Variants in TRMT6 observed in about 807,000 individuals in gnomAD.
TRMT6 encodes tRNA (adenine(58)-N(1))-methyltransferase non-catalytic subunit TRM6.
TRMT6 carries 34 observed loss-of-function variants against 59.0 expected under a neutral mutation model. That is an observed-to-expected ratio of 0.58 (90% CI 0.44 to 0.77). TRMT6 has a LOEUF of 0.77. Ranked by LOEUF, TRMT6 falls within the 30% of genes least tolerant of loss-of-function variation. The pLI, the probability that TRMT6 is intolerant of heterozygous loss-of-function variation, is 0.00. For synonymous variants in TRMT6, 217 were observed against 210.5 expected, an observed-to-expected ratio of 1.03 and a Z score of -0.27; for missense variants, 575 against 604.5, an observed-to-expected ratio of 0.95 and a Z score of 0.51.
intron 5 of TRMT6, 36 bp downstream of exon 5, chr20:5,943,912 C>T: frequency 1.3e-6 from 2 of 1,588,736 alleles, no homozygotes; most frequent in South Asian, 1.2e-5. Context: ...AGACATATTT[C>T]CCCCAATTAT....
intron 1 of TRMT6, among the ~76,000 whole-genome samples, chr20:5,950,029 G>C (rs1486974042): frequency 6.6e-6 from 1 of 152,172 alleles, no homozygotes; most frequent in Non-Finnish European, 1.5e-5. Context: ...TGGACGGCCA[G>C]ATATGAAATC....
chr20:5,949,599 G>A (rs1056500363), intron 1 of TRMT6, among the ~76,000 whole-genome samples: 1 of 152,122 alleles, frequency 6.6e-6, no homozygotes, highest in Non-Finnish European at 1.5e-5. Context: ...TTTTCCCAGC[G>A]TTGAATCCTT....
chr20:5,944,244 G>C lies in TRMT6; in HGVS notation c.376C>G (p.Gln126Glu), dbSNP rs1483791412. Residue 126 changes from glutamine (Q) to glutamate (E), a missense_variant, in exon 4 of 11, where the codon CAG becomes GAG. Coordinates refer to ENST00000203001, the MANE Select transcript of TRMT6 (RefSeq NM_015939.5). ...GTTGTACTATTTTCAATTAACTGCT[G>C]AACTATTTCCTATAAGAAAAGGAGC... is the stretch of plus-strand genomic sequence containing the variant. ...DKGIKGEEIV[Q>E]QLIENSTTFR... The C allele has an allele frequency of 3.2e-6, 5 of 1,557,030 alleles. No homozygotes were observed. The highest frequency in any genetic ancestry group is 4.3e-6 in the Non-Finnish European group (5 of 1,149,684).
In TRMT6 at chr20:5,938,453, A is replaced by T; in HGVS notation, c.*82T>A. ...ATGTTCTTATTCTTGGGATATGAAA[A>T]AACAAGTAGTAATGGCATTTAAAGT... On this transcript the variant is annotated 3_prime_UTR_variant, in exon 11 of 11. Coordinates refer to ENST00000203001, the MANE Select transcript of TRMT6 (RefSeq NM_015939.5). The T allele has an allele frequency of 7.2e-7, 1 of 1,390,032 alleles. No homozygotes were observed. Among genetic ancestry groups the T allele is most frequent in the Non-Finnish European group, 9.9e-7 (1 of 1,013,472 alleles). 86.1% of individuals were successfully genotyped at this position (1,390,032 alleles called of 1,614,324 possible).
At chr20:5,939,532 G>T (rs1020996945) in intron 10 of TRMT6, among the ~76,000 whole-genome samples, 1 of 151,684 alleles carries the variant, frequency 6.6e-6, no homozygotes, top group African/African-American at 2.4e-5. Context: ...GCAGTTTTCA[G>T]TTCAGCCCAG....
Position 5,938,683 on chromosome 20 carries a change from C to T in TRMT6, c.1346G>A (p.Gly449Asp). Residue 449 changes from glycine to aspartate, a missense_variant, in exon 11 of 11, where the codon GGT becomes GAT. Physicochemically the swap from Gly to Asp is moderately conservative, Grantham distance 94. Coordinates refer to ENST00000203001, the MANE Select transcript of TRMT6 (RefSeq NM_015939.5). Reference protein sequence around the residue: ...RSHPKLLMSGGGGYLLSGFTV... With the variant: ...RSHPKLLMSGDGGYLLSGFTV... Reference sequence around the variant, plus strand: ...GAAGCCGGAGAGAAGATAACCCCCACCTCCACTCATCAGCAGTTTAGGATG... The same window carrying T: ...GAAGCCGGAGAGAAGATAACCCCCATCTCCACTCATCAGCAGTTTAGGATG... 2 of 1,614,196 alleles carry T rather than the reference C, an allele frequency of 1.2e-6. No individual in the cohort carries two copies. The highest frequency in any genetic ancestry group is 1.7e-6 in the Non-Finnish European group (2 of 1,180,028).
At chr20:5,948,558 G>C (rs1025860437) in intron 1 of TRMT6, among the ~76,000 whole-genome samples, 1 of 152,146 alleles carries the variant, frequency 6.6e-6, no homozygotes, top group Non-Finnish European at 1.5e-5. Flanking sequence ...CACAAAAGGG[G>C]AAGGTCAACT....
Position 5,938,607 on chromosome 20 carries a change from T to C in TRMT6, c.1422A>G (p.Ala474=). 6.2e-7 allele frequency: 1 copy of C among 1,614,254 alleles called. No homozygotes were observed. The highest frequency in any genetic ancestry group is 8.5e-7 in the Non-Finnish European group (1 of 1,180,036). ...LKADTSLKSN[A]STLESHETEE... The stretch of plus-strand genomic sequence containing the variant: ...CAGTCTCGTGTGATTCTAAAGTGCT[T>C]GCATTAGATTTGAGGCTGGTGTCTG... Residue 474 remains alanine, a synonymous_variant, in exon 11 of 11, where the codon GCA becomes GCG. Coordinates refer to ENST00000203001, the MANE Select transcript of TRMT6 (RefSeq NM_015939.5).
intron 3 of TRMT6, 128 bp downstream of exon 3, chr20:5,944,677 A>T (rs771069329): frequency 4.7e-6 from 3 of 639,104 alleles, no homozygotes; most frequent in Non-Finnish European, 8.2e-6. Flanking sequence ...TGTACATTTC[A>T]ACCTATTTCT....
At chr20:5,940,067 A>T (rs917172704) in intron 10 of TRMT6, among the ~76,000 whole-genome samples, 3 of 152,202 alleles carry the variant, frequency 2.0e-5, no homozygotes, top group African/African-American at 7.2e-5. Flanking sequence ...TGCTTAACAC[A>T]GGGCTCCTTG....
chr20:5,943,248 A>C (rs2122603576), intron 6 of TRMT6, among the ~76,000 whole-genome samples: 1 of 152,302 alleles, frequency 6.6e-6, no homozygotes, highest in Admixed American at 6.5e-5. Flanking sequence ...TGAAATGAGC[A>C]CCAGCTACCC....
chr20:5,939,221 G>A (rs959819896), intron 10 of TRMT6, among the ~76,000 whole-genome samples: 1 of 152,096 alleles, frequency 6.6e-6, no homozygotes, highest in African/African-American at 2.4e-5. Flanking sequence ...GGTGGCTCAC[G>A]CCTGTAATCC....
intron 1 of TRMT6, among the ~76,000 whole-genome samples, chr20:5,949,749 G>C (rs2088760354): frequency 6.6e-6 from 1 of 152,102 alleles, no homozygotes; most frequent in African/African-American, 2.4e-5. Flanking sequence ...TTTTTTGTGG[G>C]ATAGATCCTG....
chr20:5,948,685 A>G (rs236187), intron 1 of TRMT6, among the ~76,000 whole-genome samples: 23,982 of 152,096 alleles, frequency 0.16, 2,756 homozygotes, highest in African/African-American at 0.32. Flanking sequence ...TGCAAAAAAA[A>G]TTAATTAGTT....
chr20:5,943,943 C>G lies in TRMT6; in HGVS notation c.542+5G>C. 3 of 1,603,014 alleles carry G rather than the reference C, an allele frequency of 1.9e-6. No individual in the cohort carries two copies. The highest frequency in any genetic ancestry group is 2.5e-6 in the Non-Finnish European group (3 of 1,176,650). On this transcript the variant is annotated splice_donor_5th_base_variant and intron_variant, in intron 5 of 10. Coordinates refer to ENST00000203001, the MANE Select transcript of TRMT6 (RefSeq NM_015939.5). ...ATTATACTTTTGAAAGGAAACAAAG[C>G]GTACTTAATTTTTCCAGGTTCTCTT... is the stretch of plus-strand genomic sequence containing the variant.
Position 5,938,611 on chromosome 20 carries a change from T to C in TRMT6, c.1418A>G (p.Asn473Ser), listed in dbSNP as rs780339602. Reference protein sequence around the residue: ...NLKADTSLKSNASTLESHETE... With the variant: ...NLKADTSLKSSASTLESHETE... ...CTCGTGTGATTCTAAAGTGCTTGCA[T>C]TAGATTTGAGGCTGGTGTCTGCTTT... Residue 473 changes from asparagine to serine, a missense_variant, in exon 11 of 11, where the codon AAT becomes AGT. Transcript: ENST00000203001. The C allele has an allele frequency of 6.2e-7, 1 of 1,614,240 alleles. No homozygotes were observed. The highest frequency in any genetic ancestry group is 1.7e-5 in the Admixed American group (1 of 60,030).
Position 5,950,503 on chromosome 20 carries a change from C to A in TRMT6, c.-98G>T, listed in dbSNP as rs1485989292. 1 of 1,370,314 alleles carries A rather than the reference C, an allele frequency of 7.3e-7. No homozygotes were observed. Among genetic ancestry groups the A allele is most frequent in the Non-Finnish European group, 9.6e-7 (1 of 1,037,072 alleles). The allele number at this position is 1,370,314 out of a possible 1,614,324, so 84.9% of individuals were successfully genotyped here. On this transcript the variant is annotated 5_prime_UTR_variant, in exon 1 of 11. Transcript: ENST00000203001. ...TTCCCACAACCTGGCGCACTAGGAG[C>A]CCTCCGACCGGCACCGCCCCCACGT...
At position 5,950,350 on chromosome 20, in the gene TRMT6, C is replaced by T. The variant is rs748972112; in HGVS notation, c.56G>A (p.Arg19His). The change falls in exon 1 of 11, where the codon CGC (arginine) becomes CAC (histidine). Residue 19 changes from arginine (R) to histidine (H), a missense_variant. Transcript: ENST00000203001. The stretch of plus-strand genomic sequence containing the variant: ...CACCACGAAGTCGCCGTCGCGGATG[C>T]GGTGGTCTCCGGGATGCTGTGGTTG... ...GPQPQHPGDH[R>H]IRDGDFVVLK... 6 of 1,611,786 alleles carry T rather than the reference C, an allele frequency of 3.7e-6. No homozygotes were observed. In the African/African-American group the frequency reaches 8.0e-5, roughly 22 times the overall value.
chr20:5,945,991 T>C (rs1030877100), intron 2 of TRMT6, among the ~76,000 whole-genome samples: 9 of 152,118 alleles, frequency 5.9e-5, no homozygotes, highest in Non-Finnish European at 1.2e-4. Flanking sequence ...AGAAATCAAA[T>C]AAGTTGCCCA....
Sources: allele counts gnomAD v4.1 joint callset (sites outside exome capture counted in the v4.1 genomes callset), GRCh38; gene constraint gnomAD v4.1.1; transcripts MANE v1.5; gene names NCBI Gene and HGNC (gene_info 2026-07-23, HGNC 2026-07-21).